PARP8: variants seen among roughly 807,000 people sequenced by gnomAD.
The protein encoded by PARP8 is protein mono-ADP-ribosyltransferase PARP8.
A neutral mutation model predicts 124.1 loss-of-function variants in PARP8; 51 were observed. That is an observed-to-expected ratio of 0.41 (90% CI 0.33 to 0.52). The LOEUF (loss-of-function observed/expected upper bound fraction) is 0.52, where lower values mean the gene tolerates loss of function less well. Ranked by LOEUF, PARP8 falls within the 20% of genes least tolerant of loss-of-function variation. The pLI, the probability that PARP8 is intolerant of heterozygous loss-of-function variation, is 0.21. For synonymous variants in PARP8, 391 were observed against 361.5 expected, an observed-to-expected ratio of 1.08 and a Z score of -0.93; for missense variants, 860 against 1,018.9, an observed-to-expected ratio of 0.84 and a Z score of 2.12.
rs1158622563 is a variant in PARP8, at chr5:50,794,299, A to T, written c.830A>T (p.Lys277Met). 6.2e-7 allele frequency: 1 copy of T among 1,613,506 alleles called. No homozygotes were observed. ...HNKKLSEKKV[K>M]SPLHLFSTLR... ...AAAAAGTTGTCAGAGAAGAAAGTGA[A>T]GTCTCCCCTGCATTTATTTTCTACT... is the stretch of plus-strand genomic sequence containing the variant. Residue 277 changes from lysine (K) to methionine (M), a missense_variant, in exon 11 of 26, where the codon AAG becomes ATG. This residue lies in a region of PARP8 where 517 missense variants were observed against 544.2 expected (regional missense o/e 0.95). Transcript: ENST00000281631.
chr5:50,785,820 A>G lies in PARP8; in HGVS notation c.671-2703A>G, dbSNP rs116569365. Among the ~76,000 whole-genome samples, 870 of 152,262 alleles carry G rather than the reference A, an allele frequency of 5.7e-3. 6 individuals are homozygous for G. Among genetic ancestry groups the G allele is most frequent in the Non-Finnish European group, 0.01 (692 of 68,024 alleles). Reference sequence around the variant, plus strand: ...AATATAGAGCATGTGTGATCTGAGAAGGTCCTATGAGCAACACAATCTTTG... The same window carrying G: ...AATATAGAGCATGTGTGATCTGAGAGGGTCCTATGAGCAACACAATCTTTG... On this transcript the variant is annotated intron_variant, in intron 9 of 25. Coordinates refer to ENST00000281631, the MANE Select transcript of PARP8 (RefSeq NM_024615.4).
chr5:50,825,551 C>A (rs892878103), intron 18 of PARP8, among the ~76,000 whole-genome samples: 32 of 152,126 alleles, frequency 2.1e-4, no homozygotes, highest in Non-Finnish European at 4.6e-4. Flanking sequence ...AGAGAAGTCA[C>A]CTTGCTGTGA....
intron 2 of PARP8, among the ~76,000 whole-genome samples, chr5:50,740,648 C>G (rs1757948081): frequency 6.6e-6 from 1 of 151,916 alleles, no homozygotes; most frequent in African/African-American, 2.4e-5. Context: ...CATCTCTACA[C>G]TAAATTTTTT....
At chr5:50,742,065 C>T (rs972528695) in intron 2 of PARP8, 33 of 256,112 alleles carry the variant, frequency 1.3e-4, no homozygotes, top group African/African-American at 7.7e-4. Context: ...CCGCTTTGGC[C>T]TCCCAAAGTA....
At chr5:50,722,630 C>T (rs1337286692) in intron 2 of PARP8, among the ~76,000 whole-genome samples, 6 of 152,090 alleles carry the variant, frequency 3.9e-5, no homozygotes, top group African/African-American at 1.4e-4. Context: ...GCTTCTCAGA[C>T]CGTTGGGCCC....
chr5:50,712,674 A>G (rs77661486), intron 2 of PARP8, among the ~76,000 whole-genome samples: 2,287 of 152,180 alleles, frequency 0.015, 37 homozygotes, highest in Non-Finnish European at 0.026. Context: ...GGGATGAGAT[A>G]AAGCAGCAAA....
chr5:50,767,909 C>G (rs759123670), intron 7 of PARP8, among the ~76,000 whole-genome samples: 32 of 152,186 alleles, frequency 2.1e-4, no homozygotes, highest in Non-Finnish European at 2.9e-4. Flanking sequence ...AAAATATAAC[C>G]ATCCAGTTGT....
chr5:50,675,717 A>G lies in PARP8; in HGVS notation c.146+7592A>G, dbSNP rs562113758. Among the ~76,000 whole-genome samples, 3 of 152,348 alleles carry G rather than the reference A, an allele frequency of 2.0e-5. No individual in the cohort carries two copies. In the East Asian group the frequency reaches 5.8e-4, roughly 29 times the overall value. ...AGAACCAAGGCAGAGGCTGATTAAT[A>G]TAATTAGTTTACATTTGTTAGCCTT... On this transcript the variant is annotated intron_variant, in intron 2 of 25. Coordinates refer to ENST00000281631, the MANE Select transcript of PARP8 (RefSeq NM_024615.4).
At chr5:50,807,761 G>A (rs1213538348) in intron 14 of PARP8, among the ~76,000 whole-genome samples, 1 of 152,000 alleles carries the variant, frequency 6.6e-6, no homozygotes, top group African/African-American at 2.4e-5. Flanking sequence ...TTGATACTTG[G>A]CAATCGTTCT....
intron 2 of PARP8, among the ~76,000 whole-genome samples, chr5:50,703,402 A>C (rs1753799304): frequency 6.6e-6 from 1 of 151,964 alleles, no homozygotes; most frequent in Non-Finnish European, 1.5e-5. Context: ...TTCATCATTT[A>C]TTCTGTATGG....
chr5:50,782,982 A>G (rs768200761), intron 9 of PARP8, among the ~76,000 whole-genome samples: 2 of 152,142 alleles, frequency 1.3e-5, no homozygotes, highest in African/African-American at 2.4e-5. Flanking sequence ...TATGCAGCAG[A>G]ATCCAAATAT....
chr5:50,749,342 A>C (rs74592113), intron 2 of PARP8, among the ~76,000 whole-genome samples: 271 of 152,254 alleles, frequency 1.8e-3, no homozygotes, highest in African/African-American at 6.2e-3. Flanking sequence ...TCAGATAGCT[A>C]ATGTTAAACA....
chr5:50,834,901 G>A, intron 24 of PARP8, 30 bp from the exon 25 acceptor site: 3 of 1,560,606 alleles, frequency 1.9e-6, no homozygotes, highest in Non-Finnish European at 2.6e-6. Context: ...AGAATAAAGT[G>A]GTTCTTTAAT....
At chr5:50,689,765 T>C (rs1175682918) in intron 2 of PARP8, among the ~76,000 whole-genome samples, 2 of 152,284 alleles carry the variant, frequency 1.3e-5, no homozygotes, top group South Asian at 2.1e-4. Context: ...TCCTCCTCAG[T>C]TGGTAGAAGG....
intron 14 of PARP8, among the ~76,000 whole-genome samples, chr5:50,803,184 T>A (rs112938986): frequency 6.6e-6 from 1 of 152,198 alleles, no homozygotes; most frequent in Non-Finnish European, 1.5e-5. Context: ...TGGTTTCCCA[T>A]GAAAAATGAC....
intron 1 of PARP8, 117 bp from the exon 2 acceptor site, chr5:50,667,954 C>T: frequency 6.3e-7 from 1 of 1,591,642 alleles, no homozygotes; most frequent in Non-Finnish European, 8.5e-7. Flanking sequence ...CCCTCTAGCC[C>T]TTGCCTTCTG....
At chr5:50,774,163 A>G (rs886227970) in intron 7 of PARP8, among the ~76,000 whole-genome samples, 1 of 152,234 alleles carries the variant, frequency 6.6e-6, no homozygotes, top group African/African-American at 2.4e-5. Context: ...GGGTAAGGTT[A>G]TAGATTAACA....
chr5:50,798,123 A>G (rs575354264), intron 14 of PARP8, among the ~76,000 whole-genome samples: 2 of 152,328 alleles, frequency 1.3e-5, no homozygotes, highest in South Asian at 2.1e-4. Context: ...GACCATCCAT[A>G]TAGCATATGT....
chr5:50,760,881 T>C (rs906876934), intron 5 of PARP8, among the ~76,000 whole-genome samples: 2 of 152,054 alleles, frequency 1.3e-5, no homozygotes, highest in African/African-American at 4.8e-5. Context: ...ATGAGTGCAA[T>C]AGGACCAGCA....
Sources: gnomAD v4.1 joint callset for allele counts (sites outside exome capture counted in the v4.1 genomes callset) on GRCh38, gnomAD v4.1.1 for gene constraint, gnomAD v4.1.1 regional missense constraint, MANE v1.5 for transcripts, NCBI Gene and HGNC (gene_info 2026-07-23, HGNC 2026-07-21) for gene names.